Variants in RIMKLB observed in about 807,000 individuals in gnomAD.
RIMKLB encodes beta-citrylglutamate synthase B.
In RIMKLB, 7 loss-of-function variants were observed where a neutral mutation model predicts 32.0. The ratio of observed to expected loss-of-function variants is 0.22; its 90% confidence interval spans 0.12 to 0.41. RIMKLB has a LOEUF of 0.41. RIMKLB is among the 10% of genes least tolerant of loss of function. The pLI is 1.00. For missense variants in RIMKLB, 289 were observed against 498.7 expected (o/e 0.58, Z 4.00); for synonymous variants, 172 against 185.1 (o/e 0.93, Z 0.57).
In RIMKLB at chr12:8,752,523, A is replaced by G. The variant is rs762796201; in HGVS notation, c.493+480A>G. On this transcript the variant is annotated intron_variant, in intron 4 of 5. Coordinates refer to ENST00000535829, the MANE Select transcript of RIMKLB (RefSeq NM_001297776.2). ...GCCGAGATCACACCACTGCACTCCA[A>G]CCTGGTCGATAGAGCCAGACTGTGT... Among the ~76,000 whole-genome samples the G allele has an allele frequency of 1.6e-4, 25 of 152,230 alleles. No individual in the cohort carries two copies. The South Asian group carries it at 4.4e-3, about 26-fold the overall frequency.
intron 5 of RIMKLB, among the ~76,000 whole-genome samples, chr12:8,764,433 G>T (rs1949784334): frequency 6.6e-6 from 1 of 152,180 alleles, no homozygotes; most frequent in Non-Finnish European, 1.5e-5. Context: ...AATTAGAAAA[G>T]CATGTGAAAA....
the RIMKLB span, among the ~76,000 whole-genome samples, chr12:8,670,121 G>A: frequency 1.1e-4 from 16 of 150,066 alleles, no homozygotes; most frequent in African/African-American, 1.7e-4. Flanking sequence ...GGAATTCACC[G>A]AAGTTGAGAT....
the RIMKLB span, among the ~76,000 whole-genome samples, chr12:8,669,565 C>T: frequency 1.3e-5 from 2 of 151,838 alleles, no homozygotes; most frequent in African/African-American, 4.8e-5. Flanking sequence ...ATGTGTTAGG[C>T]TATGGTAGCT....
intron 4 of RIMKLB, 52 bp from the exon 5 acceptor site, chr12:8,753,838 A>T: frequency 4.3e-6 from 6 of 1,398,668 alleles, no homozygotes; most frequent in Non-Finnish European, 6.1e-6. Context: ...AATAGGTATC[A>T]TCTGCCCACA....
intron 5 of RIMKLB, among the ~76,000 whole-genome samples, chr12:8,765,951 C>T (rs1454433983): frequency 1.3e-5 from 2 of 152,052 alleles, no homozygotes; most frequent in Non-Finnish European, 2.9e-5. Context: ...ATACTTCCGT[C>T]GGGAGGCCAG....
chr12:8,678,045 G>C (rs1231801646), upstream of RIMKLB, among the ~76,000 whole-genome samples: 3 of 151,608 alleles, frequency 2.0e-5, no homozygotes, highest in Non-Finnish European at 2.9e-5. Context: ...GCCTCCCAAA[G>C]TGCTGGGATT....
In RIMKLB at chr12:8,774,491, T is replaced by G; in HGVS notation, c.*707T>G. 1.0e-6 allele frequency: 1 copy of G among 981,820 alleles called. No individual in the cohort carries two copies. Among genetic ancestry groups the G allele is most frequent in the African/African-American group, 1.7e-5 (1 of 57,220 alleles). 60.8% of individuals were successfully genotyped at this position (981,820 alleles called of 1,614,324 possible). A position where few individuals can be genotyped will look rare whatever the true frequency, so the allele number is the denominator to read the frequency against. ...AACATTAATTCAATGTAGATAAAAT[T>G]ACACTAGTTTAAAATATGTGCATTC... On this transcript the variant is annotated 3_prime_UTR_variant, in exon 6 of 6. Transcript: ENST00000535829.
chr12:8,698,952 A>ACC (rs112143852), intron 1 of RIMKLB, among the ~76,000 whole-genome samples: 1,577 of 148,126 alleles, frequency 0.011, 26 homozygotes, highest in African/African-American at 0.038. Context: ...CTTGCCCCTC[A>ACC]CCCCCCCCCA....
intron 2 of RIMKLB, among the ~76,000 whole-genome samples, chr12:8,738,703 C>T (rs1242284876): frequency 6.6e-6 from 1 of 152,140 alleles, no homozygotes; most frequent in Non-Finnish European, 1.5e-5. Context: ...TTGAGAATTA[C>T]AGTGTTCATG....
chr12:8,706,635 T>C (rs1334286620), intron 1 of RIMKLB, among the ~76,000 whole-genome samples: 1 of 151,854 alleles, frequency 6.6e-6, no homozygotes, highest in African/African-American at 2.4e-5. Flanking sequence ...GTATTTTTAA[T>C]AGAGACAGGG....
At chr12:8,682,008 T>C (rs990723570) in intron 1 of RIMKLB, among the ~76,000 whole-genome samples, 1 of 151,912 alleles carries the variant, frequency 6.6e-6, no homozygotes, top group Non-Finnish European at 1.5e-5. Flanking sequence ...TGACTGCAGG[T>C]AGATAGTGTC....
intron 1 of RIMKLB, among the ~76,000 whole-genome samples, chr12:8,688,934 A>C (rs1942657452): frequency 6.6e-6 from 1 of 152,042 alleles, no homozygotes; most frequent in Non-Finnish European, 1.5e-5. Flanking sequence ...TCCTGGGTTC[A>C]AGAGATTCTC....
chr12:8,675,933 G>T, the RIMKLB span, among the ~76,000 whole-genome samples: 1 of 151,902 alleles, frequency 6.6e-6, no homozygotes, highest in Non-Finnish European at 1.5e-5. Context: ...TGTCCCTGAC[G>T]TCGTTAAATT....
chr12:8,753,869 T>G, intron 4 of RIMKLB, 21 bp from the exon 5 acceptor site: 2 of 1,600,328 alleles, frequency 1.2e-6, no homozygotes, highest in Non-Finnish European at 1.7e-6. Context: ...TAACATGTAT[T>G]TTTATTCTTT....
exon 1 of RIMKLB, chr12:8,681,776 T>C (rs1942413438): frequency 6.6e-6 from 1 of 152,224 alleles, no homozygotes; most frequent in Non-Finnish European, 1.5e-5. Context: ...TCAGGACTCT[T>C]GCAGACCTCT....
chr12:8,698,173 C>G lies in RIMKLB; in HGVS notation c.-181C>G, dbSNP rs774504122. ...GGCGGAGGAGAAAGGAGGCGGCTCC[C>G]GGTATCCCGACCCCCTCCCCCTCCT... is the stretch of plus-strand genomic sequence containing the variant. On this transcript the variant is annotated 5_prime_UTR_variant, in exon 1 of 6. Transcript: ENST00000535829. 1.5e-5 allele frequency: 5 copies of G among 335,310 alleles called. No homozygotes were observed. The highest frequency in any genetic ancestry group is 9.8e-5 in the South Asian group (5 of 51,040). 20.8% of individuals were successfully genotyped at this position (335,310 alleles called of 1,614,324 possible). A position where few individuals can be genotyped will look rare whatever the true frequency, so the allele number is the denominator to read the frequency against.
At chr12:8,728,807 T>C (rs1025334497) in intron 2 of RIMKLB, among the ~76,000 whole-genome samples, 3 of 151,544 alleles carry the variant, frequency 2.0e-5, no homozygotes, top group Non-Finnish European at 2.9e-5. Flanking sequence ...GTTTGTTTGT[T>C]TGTTTGTTTT....
intron 1 of RIMKLB, among the ~76,000 whole-genome samples, chr12:8,699,311 ATTAT>A (rs1444464802): frequency 2.2e-4 from 33 of 152,264 alleles, no homozygotes; most frequent in African/African-American, 7.7e-4. Context: ...GGTGTTCTTA[ATTAT>A]TAACTATAAC....
At chr12:8,704,135 A>G (rs1943645429) in intron 1 of RIMKLB, among the ~76,000 whole-genome samples, 1 of 152,166 alleles carries the variant, frequency 6.6e-6, no homozygotes, top group African/African-American at 2.4e-5. Context: ...TGTAATCCCA[A>G]CACTGGGAGG....
Sources: allele counts gnomAD v4.1 joint callset (sites outside exome capture counted in the v4.1 genomes callset), GRCh38; gene constraint gnomAD v4.1.1; transcripts MANE v1.5; gene names NCBI Gene and HGNC (gene_info 2026-07-23, HGNC 2026-07-21).